STK31: variants seen among roughly 807,000 people sequenced by gnomAD.
The protein encoded by STK31 is serine/threonine kinase 31, also known as serine/threonine-protein kinase 31.
Under a neutral mutation model 129.7 loss-of-function variants are expected in STK31, and 89 were observed. That is an observed-to-expected ratio of 0.69 (90% CI 0.58 to 0.82). STK31 has a LOEUF of 0.82. Among genes scored for constraint, STK31 ranks in the 40% least tolerant of loss-of-function variants. The pLI is 0.00. For missense variants in STK31, 1,187 were observed against 1,176.4 expected, an observed-to-expected ratio of 1.01 and a Z score of -0.13; for synonymous variants, 448 against 395.3, an observed-to-expected ratio of 1.13 and a Z score of -1.58.
At chr7:23,770,156 G>A (rs1447506773) in intron 13 of STK31, among the ~76,000 whole-genome samples, 2 of 152,136 alleles carry the variant, frequency 1.3e-5, no homozygotes, top group African/African-American at 4.8e-5. Context: ...ACACAAGATG[G>A]AGTGGTCATC....
intron 23 of STK31, among the ~76,000 whole-genome samples, chr7:23,823,369 G>C (rs1397072656): frequency 2.0e-5 from 3 of 151,950 alleles, no homozygotes. Context: ...ATTTTTTCAT[G>C]TGTTTTTTGG....
chr7:23,775,860 T>C (rs1790505695), intron 15 of STK31, among the ~76,000 whole-genome samples: 1 of 152,218 alleles, frequency 6.6e-6, no homozygotes, highest in Non-Finnish European at 1.5e-5. Context: ...GAACTTCCAA[T>C]ACTGTGTTAA....
intron 4 of STK31, chr7:23,721,770 T>G: frequency 1.5e-6 from 1 of 681,448 alleles, no homozygotes; most frequent in Non-Finnish European, 2.8e-6. Context: ...TCCCAAGTGT[T>G]TTGTCCAGTT....
Position 23,710,294 on chromosome 7 carries a change from C to T in STK31, c.9C>T (p.Val3=), listed in dbSNP as rs1276273785. ...AGGGCCGAAAGTCCAGTATGTGGGT[C>T]CAGGGTCACTCTTCTAGAGCTTCCG... MW[V]QGHSSRASAT... Residue 3 remains valine, a synonymous_variant, in exon 1 of 24, where the codon GTC becomes GTT. Coordinates refer to ENST00000355870, the MANE Select transcript of STK31 (RefSeq NM_031414.5). The T allele has an allele frequency of 2.5e-6, 4 of 1,612,074 alleles. No homozygotes were observed. The highest frequency in any genetic ancestry group is 2.2e-5 in the East Asian group (1 of 44,880).
At chr7:23,730,874 A>ATTT (rs1460221456) in intron 6 of STK31, among the ~76,000 whole-genome samples, 14 of 59,712 alleles carry the variant, frequency 2.3e-4, no homozygotes, top group South Asian at 8.6e-4. Flanking sequence ...ATATATATAT[A>ATTT]TATATTTTTT....
chr7:23,785,057 AT>A (rs1410994993), intron 17 of STK31, among the ~76,000 whole-genome samples: 1 of 151,966 alleles, frequency 6.6e-6, no homozygotes, highest in African/African-American at 2.4e-5. Flanking sequence ...TTTAGTGGTG[AT>A]TTCTGAGATT....
Position 23,832,204 on chromosome 7 carries a change from T to G in STK31, c.2898T>G (p.Val966=), listed in dbSNP as rs780035662. 6.2e-7 allele frequency: 1 copy of G among 1,614,170 alleles called. No homozygotes were observed. The highest frequency in any genetic ancestry group is 2.2e-5 in the East Asian group (1 of 44,872). The stretch of plus-strand genomic sequence containing the variant: ...GAAGTTCAATGACTGCTGAACAAGT[T>G]TTAAATGCTGAATGTTTCTTGATGC... ...CYRSSMTAEQ[V]LNAECFLMPK... Residue 966 remains valine (V), a synonymous_variant, in exon 24 of 24, where the codon GTT becomes GTG. Transcript: ENST00000355870.
intron 23 of STK31, among the ~76,000 whole-genome samples, chr7:23,819,898 C>T (rs544971196): frequency 6.6e-6 from 1 of 152,156 alleles, no homozygotes; most frequent in East Asian, 1.9e-4. Flanking sequence ...ATGATAGCAG[C>T]AGTAGAGGTG....
At chr7:23,723,134 CCGTCTTCTG>C (rs1216851492) in intron 4 of STK31, among the ~76,000 whole-genome samples, 5 of 152,150 alleles carry the variant, frequency 3.3e-5, no homozygotes, top group Non-Finnish European at 2.9e-5. Flanking sequence ...CAGAAATCAC[CCGTCTTCTG>C]CGTCGCTCAC....
chr7:23,763,524 A>T (rs1789608546), intron 11 of STK31, among the ~76,000 whole-genome samples: 1 of 152,164 alleles, frequency 6.6e-6, no homozygotes, highest in Non-Finnish European at 1.5e-5. Context: ...AATATTGTTT[A>T]AAATTTTTCT....
chr7:23,802,065 G>A (rs1037707356), intron 22 of STK31, among the ~76,000 whole-genome samples: 2 of 151,854 alleles, frequency 1.3e-5, no homozygotes, highest in Non-Finnish European at 2.9e-5. Flanking sequence ...TTATTGAGAC[G>A]TGTAAGGTCA....
chr7:23,769,377 G>T (rs954636258), intron 12 of STK31, among the ~76,000 whole-genome samples: 1 of 149,322 alleles, frequency 6.7e-6, no homozygotes, highest in Non-Finnish European at 1.5e-5. Flanking sequence ...TATCGGTCTT[G>T]TTCCTCCTTT....
chr7:23,817,196 A>AT (rs1296218028), intron 23 of STK31, among the ~76,000 whole-genome samples: 5 of 151,906 alleles, frequency 3.3e-5, no homozygotes, highest in South Asian at 2.1e-4. Context: ...TCAAAAAAAA[A>AT]AAAATAATAA....
intron 4 of STK31, among the ~76,000 whole-genome samples, chr7:23,718,556 A>G (rs942052308): frequency 8.5e-5 from 13 of 152,160 alleles, no homozygotes; most frequent in Admixed American, 7.9e-4. Context: ...TACTATCACC[A>G]TAGATTCGTA....
chr7:23,710,205 A>C (rs1460834649), upstream of STK31: 2 of 1,608,336 alleles, frequency 1.2e-6, no homozygotes, highest in East Asian at 4.5e-5. Flanking sequence ...ACGCAGGCGC[A>C]GTGTGGGGCC....
intron 10 of STK31, among the ~76,000 whole-genome samples, chr7:23,755,415 T>C (rs893295511): frequency 6.6e-6 from 1 of 152,210 alleles, no homozygotes; most frequent in African/African-American, 2.4e-5. Flanking sequence ...GATGGGTAGA[T>C]TGCAAAAATT....
At chr7:23,798,727 A>G (rs553961878) in intron 22 of STK31, among the ~76,000 whole-genome samples, 1 of 152,330 alleles carries the variant, frequency 6.6e-6, no homozygotes, top group African/African-American at 2.4e-5. Flanking sequence ...CCTATTTAAC[A>G]TACTATTGCA....
In STK31 at chr7:23,772,132, CTT is replaced by C; in HGVS notation, c.1834-12_1834-11del. ...TTCTTATGTGTTTGAAAATACGTAA[CTT>C]TTGTTTACTTAGTTTAAAAAGCAGC... On this transcript the variant is annotated splice_polypyrimidine_tract_variant and intron_variant, in intron 14 of 23. Coordinates refer to ENST00000355870, the MANE Select transcript of STK31 (RefSeq NM_031414.5). The C allele has an allele frequency of 1.3e-6, 2 of 1,523,630 alleles. No individual in the cohort carries two copies. The highest frequency in any genetic ancestry group is 2.5e-5 in the South Asian group (2 of 80,194). The allele number at this position is 1,523,630 out of a possible 1,614,324, so 94.4% of individuals were successfully genotyped here. A position where few individuals can be genotyped will look rare whatever the true frequency, so the allele number is the denominator to read the frequency against.
chr7:23,783,868 C>T (rs191693786), intron 17 of STK31, among the ~76,000 whole-genome samples: 5 of 152,174 alleles, frequency 3.3e-5, no homozygotes, highest in African/African-American at 7.2e-5. Flanking sequence ...TTGCATTATC[C>T]GTTTTTCTGC....
Sources: gnomAD v4.1 joint callset for allele counts (sites outside exome capture counted in the v4.1 genomes callset) on GRCh38, gnomAD v4.1.1 for gene constraint, MANE v1.5 for transcripts, NCBI Gene and HGNC (gene_info 2026-07-23, HGNC 2026-07-21) for gene names.